Variants in ANK3 observed in about 807,000 individuals in gnomAD.
ANK3 encodes the protein ankyrin-3.
Under a neutral mutation model 370.9 loss-of-function variants are expected in ANK3, and 57 were observed. The ratio of observed to expected loss-of-function variants is 0.15; its 90% CI spans 0.12 to 0.19. The LOEUF (loss-of-function observed/expected upper bound fraction) is 0.19, where lower values mean the gene tolerates loss of function less well. Ranked by LOEUF, ANK3 falls within the 10% of genes least tolerant of loss-of-function variation. The probability of loss-of-function intolerance (pLI) is 1.00; values close to 1 mark genes in which losing one functional copy is unlikely to be tolerated. For synonymous variants in ANK3, 1,929 were observed against 1,946.3 expected (o/e 0.99, Z 0.23); for missense variants, 4,439 against 5,302.1 (o/e 0.84, Z 5.06).
chr10:60,432,019 G>T (rs972085884), intron 2 of ANK3, among the ~76,000 whole-genome samples: 1 of 152,120 alleles, frequency 6.6e-6, no homozygotes, highest in African/African-American at 2.4e-5. Context: ...ATTCAAAGAA[G>T]CCTAAAATGT....
rs1347320438 is a variant in ANK3 at position 60,134,275 on chromosome 10, T to G, written c.2837A>C (p.Glu946Ala). 6 of 1,613,464 alleles carry G rather than the reference T, an allele frequency of 3.7e-6. No homozygotes were observed. Among genetic ancestry groups the G allele is most frequent in the Non-Finnish European group, 5.1e-6 (6 of 1,179,582 alleles). Residue 946 changes from glutamate (E) to alanine (A), a missense_variant, in exon 25 of 44, where the codon GAG becomes GCG. This residue lies in a region of ANK3 where 702 missense variants were observed against 941.5 expected (regional missense o/e 0.75). Transcript: ENST00000280772. ...MIEELLVPSKEQHLTFTREFD... is the reference protein window; with the variant it reads ...MIEELLVPSKAQHLTFTREFD... Reference sequence around the variant, plus strand: ...TATTTTGAAAAGAATGCATACCTGCTCTTTGGATGGCACAAGGAGTTCTTC... The same window carrying G: ...TATTTTGAAAAGAATGCATACCTGCGCTTTGGATGGCACAAGGAGTTCTTC...
chr10:60,305,988 A>ATT lies in ANK3; in HGVS notation c.115-26351_115-26350dup, dbSNP rs142632967. 7.4e-3 allele frequency among the ~76,000 whole-genome samples: 1,127 copies of ATT among 151,318 alleles called. 11 individuals are homozygous for ATT. The highest frequency in any genetic ancestry group is 0.026 in the African/African-American group (1,071 of 41,176). Reference sequence around the variant, plus strand: ...AAGGAAAGTCAATATGTAAAAATACATTTTTTTTTCACAGAAAATAAACTG... The same window carrying ATT: ...AAGGAAAGTCAATATGTAAAAATACATTTTTTTTTTTCACAGAAAATAAACTG... On this transcript the variant is annotated intron_variant, in intron 1 of 43. Coordinates refer to ENST00000280772, the MANE Select transcript of ANK3 (RefSeq NM_020987.5).
At chr10:60,307,084 CAT>C (rs961485310) in intron 1 of ANK3, among the ~76,000 whole-genome samples, 2 of 152,142 alleles carry the variant, frequency 1.3e-5, no homozygotes, top group Admixed American at 6.5e-5. Flanking sequence ...AATATTCTAA[CAT>C]GTGAAAATCA....
chr10:60,197,751 C>A (rs1425231418), intron 14 of ANK3, among the ~76,000 whole-genome samples: 1 of 152,180 alleles, frequency 6.6e-6, no homozygotes, highest in Non-Finnish European at 1.5e-5. Flanking sequence ...TGCTATCACA[C>A]TTGCAAGGCT....
chr10:60,087,137 AAG>A (rs2086925927), intron 29 of ANK3, among the ~76,000 whole-genome samples: 1 of 152,148 alleles, frequency 6.6e-6, no homozygotes, highest in Non-Finnish European at 1.5e-5. Flanking sequence ...GCTTGCAGGA[AAG>A]AGAGGGGATC....
intron 21 of ANK3, among the ~76,000 whole-genome samples, chr10:60,167,885 T>A (rs2095666380): frequency 6.6e-6 from 1 of 152,208 alleles, no homozygotes; most frequent in African/African-American, 2.4e-5. Flanking sequence ...TTTTCCAGCA[T>A]GTAATACTGC....
chr10:60,341,524 A>G (rs1323895394), intron 1 of ANK3, among the ~76,000 whole-genome samples: 1 of 152,140 alleles, frequency 6.6e-6, no homozygotes, highest in African/African-American at 2.4e-5. Flanking sequence ...CTAAATATGA[A>G]TATTATTTTT....
intron 6 of ANK3, 71 bp from the exon 7 acceptor site, chr10:60,262,028 C>T (rs1592667827): frequency 7.6e-7 from 1 of 1,316,254 alleles, no homozygotes; most frequent in Non-Finnish European, 1.1e-6. Context: ...AATATCATAA[C>T]CCTGCCCAAA....
At chr10:60,510,832 TAAATA>T (rs949429863) in intron 2 of ANK3, among the ~76,000 whole-genome samples, 12 of 151,584 alleles carry the variant, frequency 7.9e-5, no homozygotes, top group Non-Finnish European at 2.9e-5. Flanking sequence ...AATAAATAAA[TAAATA>T]AAATAAAATA....
chr10:60,631,219 A>G (rs2078479342), intron 1 of ANK3, among the ~76,000 whole-genome samples: 1 of 152,168 alleles, frequency 6.6e-6, no homozygotes, highest in Admixed American at 6.5e-5. Flanking sequence ...GTCCAAAGTC[A>G]TAGATTTCCT....
chr10:60,337,371 C>G (rs983473697), intron 1 of ANK3, among the ~76,000 whole-genome samples: 2 of 152,088 alleles, frequency 1.3e-5, no homozygotes, highest in Non-Finnish European at 2.9e-5. Flanking sequence ...TTGCCAAGCC[C>G]TATAATCTAA....
At chr10:60,081,804 C>T in intron 35 of ANK3, 1 of 120,822 alleles carries the variant, frequency 8.3e-6, no homozygotes, top group Admixed American at 1.7e-4. Context: ...ATAGAACTTC[C>T]TGGTCCTACT....
At position 60,428,551 on chromosome 10, in the gene ANK3, G is replaced by A. The variant is rs537748452; in HGVS notation, c.97-148912C>T. 9.8e-5 allele frequency among the ~76,000 whole-genome samples: 15 copies of A among 152,324 alleles called. No homozygotes were observed. The South Asian group carries it at 2.5e-3, about 25-fold the overall frequency. On this transcript the variant is annotated intron_variant, in intron 2 of 43. Coordinates refer to the ANK3 transcript ENST00000373827. ...CATCGTTCCCAGAGGAGCCAGGGACGTAAGGCAGACGCCACAGCCCTGATA... is the reference window on the plus strand; with the variant it reads ...CATCGTTCCCAGAGGAGCCAGGGACATAAGGCAGACGCCACAGCCCTGATA...
chr10:60,084,525 G>A (rs1343897800), intron 32 of ANK3, 77 bp downstream of exon 32: 5 of 1,147,074 alleles, frequency 4.4e-6, no homozygotes, highest in Non-Finnish European at 6.5e-6. Flanking sequence ...TTTATAGTGA[G>A]TGCTATTAAG....
intron 1 of ANK3, among the ~76,000 whole-genome samples, chr10:60,347,789 T>A (rs761504909): frequency 3.3e-5 from 5 of 152,204 alleles, no homozygotes; most frequent in Non-Finnish European, 5.9e-5. Flanking sequence ...GTTAAGACAC[T>A]GATGGCTGGG....
chr10:60,129,931 C>T (rs764501792), intron 25 of ANK3, among the ~76,000 whole-genome samples: 3 of 152,148 alleles, frequency 2.0e-5, no homozygotes, highest in Non-Finnish European at 4.4e-5. Flanking sequence ...AGAATTCTTT[C>T]ATGTTTTCTG....
In ANK3 at chr10:60,167,616, C is replaced by G. The variant is rs754449723; in HGVS notation, c.2479-720G>C. On this transcript the variant is annotated intron_variant, in intron 21 of 43. Transcript: ENST00000280772. Reference sequence around the variant, plus strand: ...TCCATCCAAAAGACACTGTTAGCATCACTGGTAAGAAAATCTTAATGACCT... The same window carrying G: ...TCCATCCAAAAGACACTGTTAGCATGACTGGTAAGAAAATCTTAATGACCT... Among the ~76,000 whole-genome samples the G allele has an allele frequency of 5.6e-4, 85 of 152,128 alleles. 2 individuals are homozygous for G. Among genetic ancestry groups the G allele is most frequent in the Middle Eastern group, 3.4e-3 (1 of 292 alleles).
At chr10:60,387,400 A>G (rs1321719188) in intron 1 of ANK3, among the ~76,000 whole-genome samples, 1 of 152,146 alleles carries the variant, frequency 6.6e-6, no homozygotes, top group African/African-American at 2.4e-5. Flanking sequence ...CACTGAAGGA[A>G]ATCTAGAGTG....
At chr10:60,703,005 T>C (rs1307860696) in intron 1 of ANK3, among the ~76,000 whole-genome samples, 1 of 152,134 alleles carries the variant, frequency 6.6e-6, no homozygotes, top group East Asian at 1.9e-4. Context: ...ACAAAGGACT[T>C]AGTTTCCTTG....
Sources: allele counts gnomAD v4.1 joint callset (sites outside exome capture counted in the v4.1 genomes callset), GRCh38; gene constraint gnomAD v4.1.1; regional missense constraint gnomAD v4.1.1; transcripts MANE v1.5; gene names NCBI Gene and HGNC (gene_info 2026-07-23, HGNC 2026-07-21).